The following MMACHC variants were observed in gnomAD, a reference collection of about 807,000 sequenced individuals.
MMACHC encodes cyanocobalamin reductase / alkylcobalamin dealkylase.
MMACHC carries 14 observed loss-of-function variants against 17.6 expected under a neutral mutation model. The ratio of observed to expected loss-of-function variants is 0.80; its 90% CI spans 0.53 to 1.25. The LOEUF (loss-of-function observed/expected upper bound fraction) is 1.25. MMACHC is among the 50% of genes most tolerant of loss of function. The probability of loss-of-function intolerance (pLI) is 0.00; values close to 1 mark genes in which losing one functional copy is unlikely to be tolerated. For synonymous variants in MMACHC, 151 were observed against 142.1 expected (o/e 1.06, Z -0.45); for missense variants, 392 against 364.5 (o/e 1.08, Z -0.62).
At position 45,513,209 on chromosome 1, in the gene MMACHC, A is replaced by G. The variant is rs936769593; in HGVS notation, c.*3994A>G. On this transcript the variant is annotated 3_prime_UTR_variant, in exon 4 of 4. Coordinates refer to ENST00000401061, the MANE Select transcript of MMACHC (RefSeq NM_015506.3). ...CCTCTTCTCTCAATAAAGTTATTTA[A>G]AAAATGGCATGCTTTATCTCTAGAG... is the stretch of plus-strand genomic sequence containing the variant. The G allele has an allele frequency of 6.6e-6, 1 of 152,210 alleles. No individual in the cohort carries two copies. Among genetic ancestry groups the G allele is most frequent in the Non-Finnish European group, 1.5e-5 (1 of 68,024 alleles). 9.4% of individuals were successfully genotyped at this position (152,210 alleles called of 1,614,324 possible).
intron 1 of MMACHC, among the ~76,000 whole-genome samples, 180 bp from the exon 2 acceptor site, chr1:45,507,176 G>A (rs1643633544): frequency 6.6e-6 from 1 of 152,028 alleles, no homozygotes; most frequent in Non-Finnish European, 1.5e-5. Context: ...AAAAAATAAT[G>A]AATTCCCTGT....
At chr1:45,507,197 T>A (rs1643633941) in intron 1 of MMACHC, among the ~76,000 whole-genome samples, 159 bp from the exon 2 acceptor site, 1 of 152,142 alleles carries the variant, frequency 6.6e-6, no homozygotes, top group Non-Finnish European at 1.5e-5. Context: ...CAAATTCAGT[T>A]GAGTTGCTTA....
rs930976331 is a variant in MMACHC at position 45,500,318 on chromosome 1, C to A, written c.-15C>A. 1.9e-6 allele frequency: 3 copies of A among 1,613,850 alleles called. 1 individual carries two copies. The highest frequency in any genetic ancestry group is 2.5e-6 in the Non-Finnish European group (3 of 1,179,870). On this transcript the variant is annotated 5_prime_UTR_variant, in exon 1 of 4. Transcript: ENST00000401061. The stretch of plus-strand genomic sequence containing the variant: ...AGACTTCATTCCCCAGCAAGCTCAG[C>A]GTGTAACGTGCGCTATGGAGCCGAA...
intron 1 of MMACHC, among the ~76,000 whole-genome samples, chr1:45,505,522 G>A (rs148165542): frequency 6.6e-6 from 1 of 151,990 alleles, no homozygotes; most frequent in Non-Finnish European, 1.5e-5. Flanking sequence ...TAAAACTCTT[G>A]GCCCCAAGCA....
chr1:45,511,660 C>A lies in MMACHC; in HGVS notation c.*2445C>A. ...TAGCACTTGAAATTTAAATTTTCCA[C>A]AAAAAAAGGCAAAGTTTAAATAATT... On this transcript the variant is annotated 3_prime_UTR_variant, in exon 4 of 4. Coordinates refer to ENST00000401061, the MANE Select transcript of MMACHC (RefSeq NM_015506.3). 5 of 339,748 alleles carry A rather than the reference C, an allele frequency of 1.5e-5. No homozygotes were observed. Among genetic ancestry groups the A allele is most frequent in the Admixed American group, 4.8e-5 (1 of 20,820 alleles). 21.0% of individuals were successfully genotyped at this position (339,748 alleles called of 1,614,324 possible). A position where few individuals can be genotyped will look rare whatever the true frequency, so the allele number is the denominator to read the frequency against.
chr1:45,502,538 A>G (rs1003315422), intron 1 of MMACHC, among the ~76,000 whole-genome samples: 1 of 152,104 alleles, frequency 6.6e-6, no homozygotes, highest in African/African-American at 2.4e-5. Context: ...CACCGCACTC[A>G]GTCTGTGACC....
In MMACHC at chr1:45,500,427, T is replaced by G. The variant is rs368588073; in HGVS notation, c.81+14T>G. 1.2e-6 allele frequency: 2 copies of G among 1,613,624 alleles called. No homozygotes were observed. Among genetic ancestry groups the G allele is most frequent in the Non-Finnish European group, 1.7e-6 (2 of 1,179,552 alleles). On this transcript the variant is annotated intron_variant, in intron 1 of 3. Coordinates refer to ENST00000401061, the MANE Select transcript of MMACHC (RefSeq NM_015506.3). Reference sequence around the variant, plus strand: ...TACCCCTTCCAGGTTAGTTTATCCCTCCTGCTGTTCTAGGGCGAAATATAT... The same window carrying G: ...TACCCCTTCCAGGTTAGTTTATCCCGCCTGCTGTTCTAGGGCGAAATATAT...
At position 45,509,067 on chromosome 1, in the gene MMACHC, T is replaced by C. The variant is rs763806701; in HGVS notation, c.701T>C (p.Leu234Ser). The part of the protein sequence containing the change: ...STPPAQRLAL[L>S]GLAQPSEKPS... ...CCACCTGCCCAACGATTGGCCCTATTGGGCTTGGCTCAGCCCTCAGAGAAG... is the reference window on the plus strand; with the variant it reads ...CCACCTGCCCAACGATTGGCCCTATCGGGCTTGGCTCAGCCCTCAGAGAAG... The change falls in exon 4 of 4, where the codon TTG becomes TCG. Residue 234 changes from leucine to serine, a missense_variant. Physicochemically the swap from Leu to Ser is moderately radical, Grantham distance 145. Coordinates refer to ENST00000401061, the MANE Select transcript of MMACHC (RefSeq NM_015506.3). 1.2e-6 allele frequency: 2 copies of C among 1,613,690 alleles called. No homozygotes were observed. The highest frequency in any genetic ancestry group is 3.3e-5 in the Admixed American group (2 of 59,990).
At chr1:45,507,927 C>G (rs759619076) in intron 2 of MMACHC, among the ~76,000 whole-genome samples, 1 of 152,190 alleles carries the variant, frequency 6.6e-6, no homozygotes, top group Non-Finnish European at 1.5e-5. Context: ...AATATTCTCC[C>G]AACACACACT....
At position 45,508,790 on chromosome 1, in the gene MMACHC, C is replaced by G; in HGVS notation, c.430-6C>G. ...ATGACCTTGCTTTTCTTCACCCTCT[C>G]CCCAGCGCATATCAGGTGTGTGCAT... On this transcript the variant is annotated splice_polypyrimidine_tract_variant and splice_region_variant and intron_variant, in intron 3 of 3. Coordinates refer to ENST00000401061, the MANE Select transcript of MMACHC (RefSeq NM_015506.3). The G allele has an allele frequency of 6.2e-7, 1 of 1,613,066 alleles. No individual in the cohort carries two copies. The highest frequency in any genetic ancestry group is 8.5e-7 in the Non-Finnish European group (1 of 1,179,478).
At position 45,511,499 on chromosome 1, in the gene MMACHC, TG is replaced by T. The variant is rs1643744631; in HGVS notation, c.*2285del. On this transcript the variant is annotated 3_prime_UTR_variant, in exon 4 of 4. Transcript: ENST00000401061. Reference sequence around the variant, plus strand: ...CTATGGACAAAACCAGTTCTGCACCTGAACACTCAGATACCAGGAAACCTAC... The same window carrying T: ...CTATGGACAAAACCAGTTCTGCACCTAACACTCAGATACCAGGAAACCTAC... 4.5e-6 allele frequency: 5 copies of T among 1,102,050 alleles called. No homozygotes were observed. The highest frequency in any genetic ancestry group is 2.4e-5 in the East Asian group (1 of 40,838). 68.3% of individuals were successfully genotyped at this position (1,102,050 alleles called of 1,614,324 possible). A position where few individuals can be genotyped will look rare whatever the true frequency, so the allele number is the denominator to read the frequency against.
In MMACHC at chr1:45,508,384, T is replaced by C; in HGVS notation, c.429+20T>C. 2.5e-6 allele frequency: 4 copies of C among 1,613,842 alleles called. No homozygotes were observed. The highest frequency in any genetic ancestry group is 3.4e-6 in the Non-Finnish European group (4 of 1,179,894). On this transcript the variant is annotated intron_variant, in intron 3 of 3. Transcript: ENST00000401061. ...AACCAGGTGAGAGGGAAAATGTAAA[T>C]AGAGGCTGAGATAGACTGGTAAAGG...
intron 1 of MMACHC, among the ~76,000 whole-genome samples, chr1:45,500,894 G>A (rs557145502): frequency 2.0e-5 from 3 of 147,118 alleles, no homozygotes; most frequent in East Asian, 2.0e-4. Context: ...AAAAGTTGTC[G>A]CATGTTTAAC....
chr1:45,508,005 C>A (rs1010338236), intron 2 of MMACHC, among the ~76,000 whole-genome samples: 2 of 152,216 alleles, frequency 1.3e-5, no homozygotes, highest in African/African-American at 4.8e-5. Flanking sequence ...TTCCTTCACA[C>A]CAGGTGTTAT....
chr1:45,501,836 C>T (rs1185876733), intron 1 of MMACHC, among the ~76,000 whole-genome samples: 1 of 152,064 alleles, frequency 6.6e-6, no homozygotes, highest in Non-Finnish European at 1.5e-5. Flanking sequence ...CTACCTCTCA[C>T]CTCCCTACCC....
Position 45,508,791 on chromosome 1 carries a change from C to G in MMACHC, c.430-5C>G, listed in dbSNP as rs775094182. 6.2e-7 allele frequency: 1 copy of G among 1,613,164 alleles called. No homozygotes were observed. Among genetic ancestry groups the G allele is most frequent in the South Asian group, 1.1e-5 (1 of 90,944 alleles). On this transcript the variant is annotated splice_polypyrimidine_tract_variant and splice_region_variant and intron_variant, in intron 3 of 3. Coordinates refer to ENST00000401061, the MANE Select transcript of MMACHC (RefSeq NM_015506.3). ...TGACCTTGCTTTTCTTCACCCTCTC[C>G]CCAGCGCATATCAGGTGTGTGCATA...
chr1:45,507,359 G>A lies in MMACHC; in HGVS notation c.85G>A (p.Ala29Thr). 6.2e-7 allele frequency: 1 copy of A among 1,614,066 alleles called. No homozygotes were observed. Among genetic ancestry groups the A allele is most frequent in the Non-Finnish European group, 8.5e-7 (1 of 1,179,992 alleles). Residue 29 changes from alanine (A) to threonine (T), a missense_variant, in exon 2 of 4, where the codon GCA (alanine) becomes ACA (threonine). Physicochemically the swap from Ala to Thr is moderately conservative, Grantham distance 58 (BLOSUM62 0). Transcript: ENST00000401061. ...FGFEVYPFQV[A>T]WYNELLPPAF... ...TGGCCTGAACTTTCTGTTTCAGGTG[G>A]CATGGTACAATGAACTCTTGCCTCC...
At chr1:45,508,089 G>C in intron 2 of MMACHC, 123 bp from the exon 3 acceptor site, 1 of 1,245,122 alleles carries the variant, frequency 8.0e-7, no homozygotes, top group East Asian at 2.3e-5. Context: ...CCAAGTTAAG[G>C]TCATGTTTTC....
intron 2 of MMACHC, 127 bp downstream of exon 2, chr1:45,507,677 G>C (rs910718059): frequency 9.1e-7 from 1 of 1,096,250 alleles, no homozygotes; most frequent in African/African-American, 1.6e-5. Context: ...CCTAAAGCCA[G>C]GCTTGACATT....
Sources: allele counts gnomAD v4.1 joint callset (sites outside exome capture counted in the v4.1 genomes callset), GRCh38; gene constraint gnomAD v4.1.1; transcripts MANE v1.5; gene names NCBI Gene and HGNC (gene_info 2026-07-23, HGNC 2026-07-21).